The following SDCCAG8 variants were observed in gnomAD, a reference collection of about 807,000 sequenced individuals.
The protein encoded by SDCCAG8 is SHH signaling and ciliogenesis regulator SDCCAG8.
In SDCCAG8, 74 loss-of-function variants were observed where a neutral mutation model predicts 101.8. The observed-to-expected ratio is 0.73, with a 90% CI of 0.60 to 0.88. SDCCAG8 has a LOEUF of 0.88. Among genes scored for constraint, SDCCAG8 ranks in the 40% least tolerant of loss-of-function variants. The pLI is 0.00. For synonymous variants in SDCCAG8, 281 were observed against 292.9 expected, an observed-to-expected ratio of 0.96 and a Z score of 0.41; for missense variants, 787 against 822.6, an observed-to-expected ratio of 0.96 and a Z score of 0.53.
chr1:243,341,005 C>A, intron 10 of SDCCAG8, 34 bp from the exon 11 acceptor site: 3 of 1,602,976 alleles, frequency 1.9e-6, no homozygotes, highest in Non-Finnish European at 2.6e-6. Flanking sequence ...TGTCAAATGA[C>A]ATTATTGTTT....
intron 17 of SDCCAG8, among the ~76,000 whole-genome samples, chr1:243,491,638 G>A (rs1459573089): frequency 6.6e-6 from 1 of 152,198 alleles, no homozygotes; most frequent in Non-Finnish European, 1.5e-5. Flanking sequence ...CCTCTGCGAT[G>A]CCTTCTTGTC....
At chr1:243,394,390 C>T (rs1274482767) in intron 13 of SDCCAG8, among the ~76,000 whole-genome samples, 1 of 152,180 alleles carries the variant, frequency 6.6e-6, no homozygotes, top group Non-Finnish European at 1.5e-5. Flanking sequence ...TTAACAGAAT[C>T]TCGCAAATTC....
At chr1:243,485,451 A>G (rs1166427256) in intron 16 of SDCCAG8, among the ~76,000 whole-genome samples, 2 of 152,204 alleles carry the variant, frequency 1.3e-5, no homozygotes, top group African/African-American at 4.8e-5. Context: ...AACACCACAA[A>G]TATGACAGAG....
At chr1:243,312,765 A>C (rs756704285) in intron 8 of SDCCAG8, among the ~76,000 whole-genome samples, 1 of 151,650 alleles carries the variant, frequency 6.6e-6, no homozygotes, top group African/African-American at 2.4e-5. Context: ...ATCAGGCATG[A>C]CTTGGAGACC....
At chr1:243,265,030 C>T (rs1217890274) in intron 1 of SDCCAG8, among the ~76,000 whole-genome samples, 1 of 152,170 alleles carries the variant, frequency 6.6e-6, no homozygotes, top group Non-Finnish European at 1.5e-5. Context: ...CAGATAACTG[C>T]ATCTGGGGAG....
At chr1:243,319,752 T>G (rs551047678) in intron 9 of SDCCAG8, among the ~76,000 whole-genome samples, 1 of 152,324 alleles carries the variant, frequency 6.6e-6, no homozygotes, top group East Asian at 1.9e-4. Flanking sequence ...TGAATTTCCA[T>G]GTTGCTGATA....
intron 16 of SDCCAG8, among the ~76,000 whole-genome samples, chr1:243,456,310 T>G (rs1409521657): frequency 2.0e-5 from 3 of 152,190 alleles, no homozygotes; most frequent in African/African-American, 7.2e-5. Context: ...ATTCTGTGGC[T>G]GGCTTTGGGT....
intron 16 of SDCCAG8, among the ~76,000 whole-genome samples, chr1:243,483,386 G>C (rs1015700530): frequency 6.6e-6 from 1 of 152,136 alleles, no homozygotes; most frequent in Admixed American, 6.5e-5. Context: ...TGCTGAGCAC[G>C]AGCGCCCTCC....
intron 13 of SDCCAG8, among the ~76,000 whole-genome samples, chr1:243,400,916 A>G (rs2079351063): frequency 6.6e-6 from 1 of 152,194 alleles, no homozygotes; most frequent in Non-Finnish European, 1.5e-5. Context: ...AACCCATGAT[A>G]TGGCAATATT....
intron 12 of SDCCAG8, among the ~76,000 whole-genome samples, chr1:243,355,734 T>C (rs2076345052): frequency 6.6e-6 from 1 of 152,158 alleles, no homozygotes; most frequent in Admixed American, 6.5e-5. Context: ...ACCTCCCAAG[T>C]AGCTGGGACC....
At chr1:243,384,817 G>A (rs868646436) in intron 13 of SDCCAG8, among the ~76,000 whole-genome samples, 5 of 152,150 alleles carry the variant, frequency 3.3e-5, no homozygotes, top group African/African-American at 7.2e-5. Flanking sequence ...CAAGTGCCTC[G>A]TAAGCATGTT....
chr1:243,488,558 G>T, intron 16 of SDCCAG8: 1 of 216,532 alleles, frequency 4.6e-6, no homozygotes, highest in South Asian at 7.4e-5. Flanking sequence ...GGTCAGCGAT[G>T]CCGGAGCTCG....
At chr1:243,483,570 G>A (rs1199424125) in intron 16 of SDCCAG8, among the ~76,000 whole-genome samples, 2 of 138,554 alleles carry the variant, frequency 1.4e-5, no homozygotes, top group East Asian at 5.0e-4. Flanking sequence ...TCCGCACCCC[G>A]TCTCGCGACC....
chr1:243,389,148 C>A (rs1207046773), intron 13 of SDCCAG8, among the ~76,000 whole-genome samples: 2 of 145,528 alleles, frequency 1.4e-5, no homozygotes, highest in African/African-American at 2.6e-5. Flanking sequence ...CTCTGTCCCC[C>A]CTCCCCCCCC....
rs578190669 is a variant in SDCCAG8 at position 243,340,512 on chromosome 1, A to G, written c.1222-527A>G. ...GAGAAATGAGGGAGAACTAGATAAT[A>G]GGGGGGCGGTTGGGGTTTTACCAAC... On this transcript the variant is annotated intron_variant, in intron 10 of 17. Transcript: ENST00000366541. Among the ~76,000 whole-genome samples the G allele has an allele frequency of 1.2e-4, 18 of 152,150 alleles. No homozygotes were observed. In the South Asian group the frequency reaches 3.7e-3, roughly 32 times the overall value.
chr1:243,371,642 G>A (rs186552049), intron 12 of SDCCAG8, among the ~76,000 whole-genome samples: 1 of 152,220 alleles, frequency 6.6e-6, no homozygotes, highest in East Asian at 1.9e-4. Flanking sequence ...TTCTGCATCT[G>A]CTACAGTGAA....
intron 12 of SDCCAG8, among the ~76,000 whole-genome samples, chr1:243,373,884 A>C (rs981479699): frequency 7.2e-5 from 11 of 152,268 alleles, no homozygotes; most frequent in African/African-American, 2.4e-4. Flanking sequence ...TTAAATATAA[A>C]AGGATAGCCA....
chr1:243,498,380 C>T (rs952881631), intron 17 of SDCCAG8, among the ~76,000 whole-genome samples: 3 of 152,166 alleles, frequency 2.0e-5, no homozygotes, highest in African/African-American at 7.2e-5. Flanking sequence ...CAAAGCATCC[C>T]GTGGGCCCAG....
chr1:243,378,734 T>G lies in SDCCAG8; in HGVS notation c.1487T>G (p.Leu496Trp), dbSNP rs532817936. 5 of 1,613,938 alleles carry G rather than the reference T, an allele frequency of 3.1e-6. No individual in the cohort carries two copies. The African/African-American group carries it at 6.7e-5, about 22-fold the overall frequency. Residue 496 changes from leucine to tryptophan, a missense_variant, in exon 13 of 18, where the codon TTG becomes TGG. Transcript: ENST00000366541. Reference sequence around the variant, plus strand: ...TCTCTACCTAAGGAAATAGAGAAATTGAGAATAGAACTGGATGAAAGCAAA... The same window carrying G: ...TCTCTACCTAAGGAAATAGAGAAATGGAGAATAGAACTGGATGAAAGCAAA... ...LEIKDQEIEK[L>W]RIELDESKQH... is the part of the protein sequence containing the mutation.
Sources: allele counts gnomAD v4.1 joint callset (sites outside exome capture counted in the v4.1 genomes callset), GRCh38; gene constraint gnomAD v4.1.1; transcripts MANE v1.5; gene names NCBI Gene and HGNC (gene_info 2026-07-23, HGNC 2026-07-21).